MAST4: variants seen among roughly 807,000 people sequenced by gnomAD.
MAST4 encodes microtubule-associated serine/threonine-protein kinase 4.
MAST4 carries 89 observed loss-of-function variants against 162.7 expected under a neutral mutation model. The ratio of observed to expected loss-of-function variants is 0.55; its 90% confidence interval spans 0.46 to 0.65. The LOEUF is 0.65. Ranked by LOEUF, MAST4 falls within the 30% of genes least tolerant of loss-of-function variation. MAST4 has a pLI of 0.00. For missense variants in MAST4, 3,153 were observed against 3,374.0 expected, an observed-to-expected ratio of 0.93 and a Z score of 1.62; for synonymous variants, 1,479 against 1,361.1, an observed-to-expected ratio of 1.09 and a Z score of -1.91.
In MAST4 at chr5:66,720,504, G is replaced by T. The variant is rs183259175; in HGVS notation, c.364-39205G>T. 2.6e-3 allele frequency among the ~76,000 whole-genome samples: 400 copies of T among 152,128 alleles called. 1 individual carries two copies. The highest frequency in any genetic ancestry group is 9.1e-3 in the African/African-American group (378 of 41,518). On this transcript the variant is annotated intron_variant, in intron 1 of 28. Transcript: ENST00000403625. ...TTCAATGTATTTTAATTTTCAGCAT[G>T]AAATTTTATATATTCTGTATACTTG...
At chr5:67,000,306 C>T (rs1478016826) in intron 4 of MAST4, among the ~76,000 whole-genome samples, 1 of 152,208 alleles carries the variant, frequency 6.6e-6, no homozygotes, top group East Asian at 1.9e-4. Flanking sequence ...CCTCATGGCC[C>T]GAGTGTCCTG....
intron 1 of MAST4, among the ~76,000 whole-genome samples, chr5:66,600,731 A>T (rs1742499061): frequency 6.6e-6 from 1 of 152,236 alleles, no homozygotes; most frequent in Admixed American, 6.5e-5. Flanking sequence ...CAATTTTTCC[A>T]GGTAAATTTT....
Position 66,700,957 on chromosome 5 carries a change from T to A in MAST4, c.364-58752T>A, listed in dbSNP as rs887590933. Among the ~76,000 whole-genome samples, 12 of 65,920 alleles carry A rather than the reference T, an allele frequency of 1.8e-4. No individual in the cohort carries two copies. In the South Asian group the frequency reaches 7.1e-3, roughly 39 times the overall value. The allele number at this position is 65,920 out of a possible 152,430, so 43.2% of individuals were successfully genotyped here. A position where few individuals can be genotyped will look rare whatever the true frequency, so the allele number is the denominator to read the frequency against. ...ATACTGAGATCATCTTGGGAATTATTTAAGACTGTTTGCAAATATGTTTTT... is the reference window on the plus strand; with the variant it reads ...ATACTGAGATCATCTTGGGAATTATATAAGACTGTTTGCAAATATGTTTTT... On this transcript the variant is annotated intron_variant, in intron 1 of 28. Coordinates refer to ENST00000403625, the MANE Select transcript of MAST4 (RefSeq NM_001164664.2).
At chr5:66,988,931 A>T (rs1749792969) in intron 4 of MAST4, among the ~76,000 whole-genome samples, 2 of 152,238 alleles carry the variant, frequency 1.3e-5, no homozygotes, top group Admixed American at 1.3e-4. Flanking sequence ...GGGAAATAAG[A>T]CATATTTGTA....
At chr5:66,907,619 TGTGTGTGTG>T (rs1763468931) in intron 4 of MAST4, among the ~76,000 whole-genome samples, 1 of 151,310 alleles carries the variant, frequency 6.6e-6, no homozygotes. Flanking sequence ...TGTGTGTGTG[TGTGTGTGTG>T]TGTGTGTGTA....
chr5:66,963,916 T>C (rs931581689), intron 4 of MAST4: 1 of 749,198 alleles, frequency 1.3e-6, no homozygotes, highest in African/African-American at 1.7e-5. Context: ...GTTGAATTGT[T>C]TACTTGGTGA....
intron 4 of MAST4, among the ~76,000 whole-genome samples, chr5:66,903,673 C>T (rs456775): frequency 0.54 from 81,555 of 151,986 alleles, 22,280 homozygotes; most frequent in Middle Eastern, 0.61. Flanking sequence ...TAATAGCATT[C>T]ATGACGGTAT....
chr5:66,925,568 C>A (rs539005397), intron 4 of MAST4, among the ~76,000 whole-genome samples: 4 of 152,084 alleles, frequency 2.6e-5, no homozygotes, highest in Non-Finnish European at 4.4e-5. Context: ...CATTCTTAGC[C>A]AAGTTATGAT....
intron 1 of MAST4, among the ~76,000 whole-genome samples, chr5:66,603,942 A>G (rs774500353): frequency 6.6e-6 from 1 of 152,264 alleles, no homozygotes; most frequent in Non-Finnish European, 1.5e-5. Flanking sequence ...ACCAAAATAC[A>G]AAATTAAGCA....
intron 1 of MAST4, among the ~76,000 whole-genome samples, chr5:66,750,968 T>C (rs13158306): frequency 0.14 from 21,060 of 151,866 alleles, 1,583 homozygotes; most frequent in Admixed American, 0.18. Context: ...CAGACTGCCT[T>C]CTCAAGTGGG....
chr5:66,701,716 T>C (rs1749788085), intron 1 of MAST4, among the ~76,000 whole-genome samples: 1 of 152,230 alleles, frequency 6.6e-6, no homozygotes, highest in Non-Finnish European at 1.5e-5. Context: ...GTCCTGATGC[T>C]GGAATTTCAC....
At chr5:67,159,475 C>T (rs1024777426) in intron 26 of MAST4, among the ~76,000 whole-genome samples, 54 of 152,230 alleles carry the variant, frequency 3.5e-4, no homozygotes, top group African/African-American at 1.3e-3. Context: ...TACCTAACTC[C>T]CCCCAACTCC....
intron 24 of MAST4, among the ~76,000 whole-genome samples, chr5:67,152,083 A>C (rs904767933): frequency 2.0e-5 from 3 of 152,118 alleles, no homozygotes. Context: ...AAAATTCTTT[A>C]ATCAGTATTC....
intron 2 of MAST4, 65 bp from the exon 3 acceptor site, chr5:66,788,605 C>CCCCCACCAAAAAAAAAAAAAAAA: frequency 7.4e-7 from 1 of 1,344,526 alleles, no homozygotes; most frequent in Non-Finnish European, 1.0e-6. Context: ...CACCCCCACC[C>CCCCCACCAAAAAAAAAAAAAAAA]CCATTGCAAT....
At chr5:66,972,431 T>C (rs1237549354) in intron 4 of MAST4, among the ~76,000 whole-genome samples, 1 of 152,232 alleles carries the variant, frequency 6.6e-6, no homozygotes, top group African/African-American at 2.4e-5. Flanking sequence ...GGTATTGTTT[T>C]TTTCTCTCCT....
At chr5:67,087,403 A>G (rs900006877) in intron 5 of MAST4, among the ~76,000 whole-genome samples, 3 of 152,168 alleles carry the variant, frequency 2.0e-5, no homozygotes, top group Non-Finnish European at 4.4e-5. Flanking sequence ...TAGAACCTCC[A>G]GCATCTCTCT....
At chr5:66,757,319 T>G (rs1323779117) in intron 1 of MAST4, among the ~76,000 whole-genome samples, 1 of 152,218 alleles carries the variant, frequency 6.6e-6, no homozygotes, top group Non-Finnish European at 1.5e-5. Context: ...CCTAACTTGT[T>G]TGATTGCTTC....
chr5:66,759,657 C>G (rs1461815481), intron 1 of MAST4, 52 bp from the exon 2 acceptor site: 20 of 1,592,380 alleles, frequency 1.3e-5, no homozygotes, highest in Non-Finnish European at 1.6e-5. Context: ...GTCTTTCATT[C>G]TAGGCTGTGT....
At chr5:66,951,632 G>GTGTATGTA (rs1554072455) in intron 4 of MAST4, among the ~76,000 whole-genome samples, 23 of 133,586 alleles carry the variant, frequency 1.7e-4, no homozygotes, top group African/African-American at 6.4e-4. Context: ...GTGTGTGTGT[G>GTGTATGTA]TGTGTGTGTG....
Sources: allele counts gnomAD v4.1 joint callset (sites outside exome capture counted in the v4.1 genomes callset), GRCh38; gene constraint gnomAD v4.1.1; transcripts MANE v1.5; gene names NCBI Gene and HGNC (gene_info 2026-07-23, HGNC 2026-07-21).